RHPN2: variants seen among roughly 807,000 people sequenced by gnomAD.
RHPN2 encodes the protein rhophilin Rho GTPase binding protein 2, also known as rhophilin-2.
Under a neutral mutation model 79.0 loss-of-function variants are expected in RHPN2, and 40 were observed. The ratio of observed to expected loss-of-function variants is 0.51; its 90% CI spans 0.39 to 0.66. The LOEUF is 0.66. RHPN2 is among the 30% of genes least tolerant of loss of function. RHPN2 has a pLI of 0.00. For synonymous variants in RHPN2, 285 were observed against 363.5 expected (o/e 0.78, Z 2.46); for missense variants, 686 against 883.5 (o/e 0.78, Z 2.83).
chr19:32,991,821 A>G lies in RHPN2; in HGVS notation c.1644+2T>C. On this transcript the variant is annotated splice_donor_variant, in intron 13 of 14. Transcript: ENST00000254260. LOFTEE classifies it high-confidence loss of function. The stretch of plus-strand genomic sequence containing the variant: ...TGCCAATCAAGAAAAGCATGTGCTT[A>G]CCGAGGCAGAGCAGTAAGGATCCAG... 6.2e-7 allele frequency: 1 copy of G among 1,613,990 alleles called. No individual in the cohort carries two copies. Among genetic ancestry groups the G allele is most frequent in the Non-Finnish European group, 8.5e-7 (1 of 1,179,866 alleles).
intron 14 of RHPN2, among the ~76,000 whole-genome samples, chr19:32,988,197 C>A (rs1437902222): frequency 1.5e-5 from 2 of 133,386 alleles, no homozygotes; most frequent in Non-Finnish European, 1.6e-5. Flanking sequence ...GACCCTGTCT[C>A]AAAAACAACA....
intron 1 of RHPN2, among the ~76,000 whole-genome samples, chr19:33,057,931 G>A (rs879306348): frequency 5.3e-5 from 8 of 151,528 alleles, no homozygotes; most frequent in Non-Finnish European, 1.0e-4. Context: ...AGGCCAAGGC[G>A]GGCAAATCAC....
chr19:33,019,149 T>C (rs932271903), intron 4 of RHPN2, among the ~76,000 whole-genome samples: 7 of 152,018 alleles, frequency 4.6e-5, no homozygotes, highest in Non-Finnish European at 7.4e-5. Flanking sequence ...AGGATTATCA[T>C]GGAAAGTAAA....
At chr19:32,985,902 G>A (rs1429209656) in intron 14 of RHPN2, among the ~76,000 whole-genome samples, 2 of 152,200 alleles carry the variant, frequency 1.3e-5, no homozygotes, top group Non-Finnish European at 2.9e-5. Context: ...AAAGTACTAG[G>A]ATTATAGGAG....
chr19:32,995,808 G>A (rs1423041596), intron 11 of RHPN2, among the ~76,000 whole-genome samples: 2 of 152,142 alleles, frequency 1.3e-5, no homozygotes, highest in Non-Finnish European at 2.9e-5. Flanking sequence ...GCAGTGAGCC[G>A]AGATCACGCC....
intron 4 of RHPN2, among the ~76,000 whole-genome samples, chr19:33,019,952 T>TG: frequency 6.6e-6 from 1 of 152,216 alleles, no homozygotes; most frequent in Admixed American, 6.5e-5. Flanking sequence ...CTCAAACTGA[T>TG]GGAGTTGAAG....
intron 2 of RHPN2, among the ~76,000 whole-genome samples, chr19:33,041,096 T>A (rs1243098399): frequency 6.6e-6 from 1 of 152,162 alleles, no homozygotes; most frequent in Non-Finnish European, 1.5e-5. Flanking sequence ...ATCTGGTTTT[T>A]CAAGTGCCTG....
intron 2 of RHPN2, among the ~76,000 whole-genome samples, chr19:33,032,016 CTTT>C (rs34807523): frequency 4.4e-5 from 4 of 91,386 alleles, no homozygotes; most frequent in African/African-American, 4.8e-5. Context: ...CCGGGCCGGT[CTTT>C]TTTTTTTTTT....
chr19:33,062,093 A>C, intron 1 of RHPN2, among the ~76,000 whole-genome samples: 1 of 152,148 alleles, frequency 6.6e-6, no homozygotes. Flanking sequence ...GTAGCACAAC[A>C]ATTGTTACAA....
chr19:33,016,637 C>T (rs1333726233), intron 4 of RHPN2, among the ~76,000 whole-genome samples: 1 of 151,854 alleles, frequency 6.6e-6, no homozygotes. Flanking sequence ...GCCAAGATTG[C>T]GCCACTGCAC....
intron 1 of RHPN2, among the ~76,000 whole-genome samples, chr19:33,052,963 T>C (rs1258904606): frequency 6.6e-6 from 1 of 150,472 alleles, no homozygotes; most frequent in African/African-American, 2.4e-5. Context: ...TATTTTTCAA[T>C]ATGCTGAATA....
chr19:33,022,811 G>A (rs1222934742), intron 3 of RHPN2, among the ~76,000 whole-genome samples: 1 of 152,192 alleles, frequency 6.6e-6, no homozygotes, highest in Admixed American at 6.6e-5. Flanking sequence ...GCTGTAAGCT[G>A]AACCTGGCTC....
intron 7 of RHPN2, among the ~76,000 whole-genome samples, chr19:33,007,289 C>A (rs1273167562): frequency 6.6e-6 from 1 of 151,910 alleles, no homozygotes; most frequent in Non-Finnish European, 1.5e-5. Flanking sequence ...GAGTTCGAGA[C>A]CAGCCTGGCC....
chr19:33,064,755 T>TGGCCC, intron 1 of RHPN2, 29 bp downstream of exon 1: 36 of 1,427,856 alleles, frequency 2.5e-5, no homozygotes, highest in Non-Finnish European at 3.0e-5. Context: ...AGCCCGCAGG[T>TGGCCC]CCCCGCCCGC....
chr19:33,010,258 C>A (rs753287860), intron 6 of RHPN2, among the ~76,000 whole-genome samples: 15 of 152,142 alleles, frequency 9.9e-5, no homozygotes, highest in Non-Finnish European at 2.1e-4. Context: ...AGTAGCCACC[C>A]ATCAGCTGTA....
At chr19:33,048,636 G>T (rs1221897679) in intron 1 of RHPN2, among the ~76,000 whole-genome samples, 1 of 138,554 alleles carries the variant, frequency 7.2e-6, no homozygotes, top group Non-Finnish European at 1.5e-5. Context: ...TGAGGCAGGA[G>T]AATCACTTGA....
At position 32,991,965 on chromosome 19, in the gene RHPN2, G is replaced by A; in HGVS notation, c.1502C>T (p.Pro501Leu). 1.2e-6 allele frequency: 2 copies of A among 1,613,864 alleles called. No individual in the cohort carries two copies. The highest frequency in any genetic ancestry group is 8.5e-7 in the Non-Finnish European group (1 of 1,179,834). ...TVTDFFQKLG[P>L]LSVFSANKRW... is the part of the protein sequence containing the mutation. The stretch of plus-strand genomic sequence containing the variant: ...CTTGTTAGCCGAAAACACAGATAAG[G>A]GGCCCTTTGGAAGAGAGCATCGTTA... The change falls in exon 13 of 15, where the codon CCC becomes CTC. Residue 501 changes from proline to leucine, a missense_variant. Transcript: ENST00000254260.
At chr19:33,031,256 C>CTATTCTAT (rs1489473211) in intron 2 of RHPN2, among the ~76,000 whole-genome samples, 2 of 49,938 alleles carry the variant, frequency 4.0e-5, no homozygotes, top group Admixed American at 2.4e-4. Flanking sequence ...TTCTATTCTA[C>CTATTCTAT]TCTATTCTAT....
intron 1 of RHPN2, among the ~76,000 whole-genome samples, chr19:33,057,851 A>G (rs1482856984): frequency 6.6e-6 from 1 of 151,670 alleles, no homozygotes; most frequent in Non-Finnish European, 1.5e-5. Flanking sequence ...CTGATTCCAA[A>G]AAGACCAATT....
Sources: gnomAD v4.1 joint callset for allele counts (sites outside exome capture counted in the v4.1 genomes callset) on GRCh38, gnomAD v4.1.1 for gene constraint, MANE v1.5 for transcripts, NCBI Gene and HGNC (gene_info 2026-07-23, HGNC 2026-07-21) for gene names.